CSMD1: variants seen among roughly 807,000 people sequenced by gnomAD.
The protein encoded by CSMD1 is CUB and Sushi multiple domains 1, also known as CUB and sushi domain-containing protein 1.
A neutral mutation model predicts 417.5 loss-of-function variants in CSMD1; 213 were observed. That is an observed-to-expected ratio of 0.51 (90% CI 0.46 to 0.57). The LOEUF is 0.57. Ranked by LOEUF, CSMD1 falls within the 20% of genes least tolerant of loss-of-function variation. CSMD1 has a pLI of 0.00. For missense variants in CSMD1, 6,923 were observed against 4,529.7 expected (o/e 1.53, Z -15.17); for synonymous variants, 2,862 against 1,736.8 (o/e 1.65, Z -16.11).
At chr8:4,316,139 C>T (rs6993554) in intron 3 of CSMD1, among the ~76,000 whole-genome samples, 1 of 152,244 alleles carries the variant, frequency 6.6e-6, no homozygotes, top group South Asian at 2.1e-4. Flanking sequence ...CAAAAACCTT[C>T]AACAATCCAA....
chr8:3,695,642 T>G (rs1216426876), intron 7 of CSMD1, among the ~76,000 whole-genome samples: 3 of 152,104 alleles, frequency 2.0e-5, no homozygotes, highest in Non-Finnish European at 4.4e-5. Context: ...GAAAGGAAAT[T>G]TAGGTCGAAA....
chr8:4,229,497 G>T (rs1034465739), intron 3 of CSMD1, among the ~76,000 whole-genome samples: 5 of 152,170 alleles, frequency 3.3e-5, no homozygotes, highest in Non-Finnish European at 7.3e-5. Flanking sequence ...AGAACATTTT[G>T]TCTTCATATA....
intron 3 of CSMD1, among the ~76,000 whole-genome samples, chr8:4,403,083 A>C (rs1804760308): frequency 6.6e-6 from 1 of 151,846 alleles, no homozygotes; most frequent in Non-Finnish European, 1.5e-5. Context: ...CGCTCGCCTC[A>C]GCCTCCCAAA....
intron 60 of CSMD1, among the ~76,000 whole-genome samples, 160 bp from the exon 61 acceptor site, chr8:2,962,799 A>T (rs148353799): frequency 5.3e-5 from 8 of 152,324 alleles, no homozygotes; most frequent in African/African-American, 1.9e-4. Flanking sequence ...CTGTAATCCC[A>T]ACACTTTGGG....
chr8:4,955,667 G>A (rs1001423257), intron 1 of CSMD1, among the ~76,000 whole-genome samples: 2 of 152,092 alleles, frequency 1.3e-5, no homozygotes, highest in Non-Finnish European at 2.9e-5. Context: ...TATTGGCCAG[G>A]CTGGTCTCGA....
At chr8:4,909,021 G>A (rs1421230429) in intron 1 of CSMD1, among the ~76,000 whole-genome samples, 3 of 152,110 alleles carry the variant, frequency 2.0e-5, no homozygotes, top group Non-Finnish European at 4.4e-5. Context: ...ACATGTATTG[G>A]TTAATAAAAA....
rs141336374 is a variant in CSMD1, at chr8:4,185,773, C to A, written c.416-153674G>T. Among the ~76,000 whole-genome samples the A allele has an allele frequency of 4.3e-3, 656 of 152,254 alleles. 3 individuals carry two copies. The highest frequency in any genetic ancestry group is 0.015 in the African/African-American group (608 of 41,550). ...CATTTTGAGATAAAATATCCCCTAC[C>A]AGTGGAAATGTGTAAGATGAGTGGC... On this transcript the variant is annotated intron_variant, in intron 3 of 69. Transcript: ENST00000635120.
chr8:3,423,550 T>A (rs1813629794), intron 12 of CSMD1, among the ~76,000 whole-genome samples: 2 of 152,214 alleles, frequency 1.3e-5, no homozygotes, highest in Admixed American at 1.3e-4. Context: ...CTGTGTGGCT[T>A]TGGCACCATT....
intron 5 of CSMD1, among the ~76,000 whole-genome samples, chr8:3,899,014 C>A (rs1337715800): frequency 6.6e-6 from 1 of 152,028 alleles, no homozygotes; most frequent in African/African-American, 2.4e-5. Context: ...GTGCTAGAAG[C>A]CACAAAGGTC....
At chr8:4,301,369 C>G (rs773752865) in intron 3 of CSMD1, among the ~76,000 whole-genome samples, 2 of 152,138 alleles carry the variant, frequency 1.3e-5, no homozygotes, top group Admixed American at 1.3e-4. Flanking sequence ...CACTTCCAGC[C>G]CTTGGTAGCC....
chr8:4,199,485 A>G (rs1260922073), intron 3 of CSMD1, among the ~76,000 whole-genome samples: 1 of 152,212 alleles, frequency 6.6e-6, no homozygotes, highest in African/African-American at 2.4e-5. Flanking sequence ...AAAGGCAAAT[A>G]GGAATATGGT....
intron 5 of CSMD1, among the ~76,000 whole-genome samples, chr8:3,760,265 C>G (rs1359711092): frequency 6.6e-6 from 1 of 152,108 alleles, no homozygotes; most frequent in Non-Finnish European, 1.5e-5. Flanking sequence ...ACTGGTTGTT[C>G]CCACTTTTTT....
chr8:3,206,823 AG>A (rs1393604227), intron 30 of CSMD1, among the ~76,000 whole-genome samples: 7 of 152,140 alleles, frequency 4.6e-5, no homozygotes, highest in Non-Finnish European at 1.0e-4. Context: ...CACTTTTTAA[AG>A]CATCATGGAA....
At chr8:3,812,701 C>G (rs1801152048) in intron 5 of CSMD1, among the ~76,000 whole-genome samples, 4 of 152,214 alleles carry the variant, frequency 2.6e-5, no homozygotes, top group Non-Finnish European at 2.9e-5. Flanking sequence ...ACAACATGAG[C>G]TGTTTGTTTC....
chr8:3,833,484 C>A (rs909113336), intron 5 of CSMD1, among the ~76,000 whole-genome samples: 1 of 152,044 alleles, frequency 6.6e-6, no homozygotes, highest in Non-Finnish European at 1.5e-5. Flanking sequence ...TATTTTCCTA[C>A]TATAACAAAG....
At chr8:4,165,847 TG>T (rs956909217) in intron 3 of CSMD1, among the ~76,000 whole-genome samples, 9 of 152,372 alleles carry the variant, frequency 5.9e-5, no homozygotes, top group Non-Finnish European at 1.2e-4. Flanking sequence ...TTGCGTTTTT[TG>T]CCATTGAAAG....
At chr8:3,637,697 T>C (rs542764274) in intron 7 of CSMD1, among the ~76,000 whole-genome samples, 5 of 152,326 alleles carry the variant, frequency 3.3e-5, no homozygotes, top group African/African-American at 1.2e-4. Flanking sequence ...GAATTACCTC[T>C]GGCATACAGG....
At chr8:4,376,200 G>C (rs1802722909) in intron 3 of CSMD1, among the ~76,000 whole-genome samples, 1 of 152,106 alleles carries the variant, frequency 6.6e-6, no homozygotes, top group African/African-American at 2.4e-5. Context: ...ATTTTCTGCT[G>C]GCTCTGTTTG....
intron 12 of CSMD1, among the ~76,000 whole-genome samples, chr8:3,413,611 AT>A (rs1554544194): frequency 1.3e-5 from 2 of 152,166 alleles, no homozygotes; most frequent in Non-Finnish European, 2.9e-5. Flanking sequence ...GCGATGTTTC[AT>A]TTGGGGGAAC....
Sources: allele counts gnomAD v4.1 joint callset (sites outside exome capture counted in the v4.1 genomes callset), GRCh38; gene constraint gnomAD v4.1.1; transcripts MANE v1.5; gene names NCBI Gene and HGNC (gene_info 2026-07-23, HGNC 2026-07-21).